Variants in GRK1 observed in about 807,000 individuals in gnomAD.
GRK1 encodes G protein-coupled receptor kinase 1.
In GRK1, 28 loss-of-function variants were observed where a neutral mutation model predicts 41.7. That is an observed-to-expected ratio of 0.67 (90% CI 0.50 to 0.92). The LOEUF (loss-of-function observed/expected upper bound fraction) is 0.92, where lower values mean the gene tolerates loss of function less well. GRK1 is among the 40% of genes least tolerant of loss of function. The pLI is 0.00. For synonymous variants in GRK1, 327 were observed against 286.7 expected, an observed-to-expected ratio of 1.14 and a Z score of -1.42; for missense variants, 703 against 671.2, an observed-to-expected ratio of 1.05 and a Z score of -0.52.
chr13:113,654,777 T>C, the GRK1 span: 2 of 1,604,470 alleles, frequency 1.2e-6, no homozygotes, highest in Non-Finnish European at 1.7e-6. Flanking sequence ...CAGCCTGGCC[T>C]GTCACACGGC....
intron 4 of GRK1, among the ~76,000 whole-genome samples, chr13:113,730,334 C>T (rs1237854542): frequency 8.1e-5 from 12 of 148,166 alleles, no homozygotes; most frequent in Non-Finnish European, 1.6e-4. Context: ...CCCCAGTCCC[C>T]GCAGCTGAGC....
the GRK1 span, among the ~76,000 whole-genome samples, chr13:113,650,226 A>G: frequency 1.3e-5 from 2 of 152,108 alleles, no homozygotes; most frequent in Non-Finnish European, 2.9e-5. The surrounding 1 kb of genome is among the most constrained non-coding windows in gnomAD (Gnocchi z 5.0). Flanking sequence ...CGTGAGAGGA[A>G]TGTTTCCAGG....
chr13:113,733,172 C>G, intron 6 of GRK1, 87 bp downstream of exon 6: 1 of 1,364,818 alleles, frequency 7.3e-7, no homozygotes, highest in African/African-American at 1.4e-5. Flanking sequence ...CTGTGAGAGT[C>G]GGCAGGGAGG....
At chr13:113,734,977 C>A in intron 6 of GRK1, 91 bp from the exon 7 acceptor site, 1 of 1,282,762 alleles carries the variant, frequency 7.8e-7, no homozygotes, top group Non-Finnish European at 1.0e-6. Context: ...CTTTGTGCAT[C>A]TGGGAGCCAT....
At chr13:113,654,902 C>T in the GRK1 span, 1 of 1,614,124 alleles carries the variant, frequency 6.2e-7, no homozygotes, top group Admixed American at 1.7e-5. Context: ...AGAGCCCAGT[C>T]ATCACCACGT....
the GRK1 span, among the ~76,000 whole-genome samples, chr13:113,653,902 T>C: frequency 2.8e-3 from 432 of 152,370 alleles, 2 homozygotes; most frequent in African/African-American, 0.01. Flanking sequence ...TTTCCCGATG[T>C]GAACCGTCAA....
At chr13:113,670,048 C>T (rs1212444281) in intron 2 of GRK1, among the ~76,000 whole-genome samples, 1 of 152,208 alleles carries the variant, frequency 6.6e-6, no homozygotes, top group Non-Finnish European at 1.5e-5. Flanking sequence ...AGGGCTCGTC[C>T]TGTGTGTGGT....
chr13:113,654,950 A>T, the GRK1 span: 1 of 1,613,732 alleles, frequency 6.2e-7, no homozygotes, highest in Non-Finnish European at 8.5e-7. Flanking sequence ...ACACTGCGAC[A>T]CAAGGCAGGC....
chr13:113,734,740 G>A (rs1417551096), intron 6 of GRK1: 2 of 224,036 alleles, frequency 8.9e-6, no homozygotes, highest in Non-Finnish European at 1.7e-5. Flanking sequence ...GTTCGGGGAG[G>A]AGACCGCTTC....
chr13:113,726,659 C>A, intron 4 of GRK1: 1 of 153,836 alleles, frequency 6.5e-6, no homozygotes, highest in Non-Finnish European at 1.5e-5. Flanking sequence ...GGGGTCAGGC[C>A]AGGAGGGCTG....
chr13:113,667,857 G>C lies in GRK1; in HGVS notation c.471G>C (p.Leu157=), dbSNP rs1262474141. ...QPLLQATLAH[L]GQAPFQEYLG... ...TGCTGCAGGCCACCCTGGCACACCTGGGCCAAGCCCCCTTCCAGGAGTACC... is the reference window on the plus strand; with the variant it reads ...TGCTGCAGGCCACCCTGGCACACCTCGGCCAAGCCCCCTTCCAGGAGTACC... The change falls in exon 1 of 7, where the codon CTG becomes CTC. Residue 157 remains leucine, a synonymous_variant. Transcript: ENST00000335678. This position sits in a 1 kb window ranked among gnomAD's most constrained non-coding sequence, Gnocchi z 7.5. 4 of 1,588,656 alleles carry C rather than the reference G, an allele frequency of 2.5e-6. No individual in the cohort carries two copies. In the Admixed American group the frequency reaches 7.0e-5, roughly 28 times the overall value.
rs1279817294 is a variant in GRK1, at chr13:113,667,400, C to T, written c.14C>T (p.Ser5Phe). Residue 5 changes from serine (S) to phenylalanine (F), a missense_variant, in exon 1 of 7, where the codon TCT (serine) becomes TTT (phenylalanine). By Grantham distance (155) the Ser-to-Phe change is radical. Transcript: ENST00000335678. This position sits in a 1 kb window ranked among gnomAD's most constrained non-coding sequence, Gnocchi z 7.5. ...GGAAGCTCCGGGATGGATTTCGGGT[C>T]TTTGGAGACCGTGGTGGCCAACTCT... MDFGSLETVVANSAF... is the reference protein window; with the variant it reads MDFGFLETVVANSAF... 6.3e-7 allele frequency: 1 copy of T among 1,580,946 alleles called. No individual in the cohort carries two copies. Among genetic ancestry groups the T allele is most frequent in the South Asian group, 1.2e-5 (1 of 85,284 alleles).
the GRK1 span, among the ~76,000 whole-genome samples, chr13:113,657,601 G>A: frequency 2.8e-4 from 43 of 152,248 alleles, no homozygotes; most frequent in African/African-American, 8.9e-4. Flanking sequence ...GACGCCAGCG[G>A]GTGTCCCGGA....
At chr13:113,734,935 C>A in intron 6 of GRK1, 133 bp from the exon 7 acceptor site, 1 of 896,298 alleles carries the variant, frequency 1.1e-6, no homozygotes. Context: ...TCAGCCTCCA[C>A]GACACTTCCC....
chr13:113,732,339 G>A (rs180751742), intron 5 of GRK1, among the ~76,000 whole-genome samples: 3 of 152,278 alleles, frequency 2.0e-5, no homozygotes, highest in Admixed American at 6.5e-5. Flanking sequence ...CCACTAGCAC[G>A]CCCGTGGTCA....
chr13:113,652,887 T>A, the GRK1 span: 7 of 1,614,212 alleles, frequency 4.3e-6, no homozygotes, highest in Non-Finnish European at 5.1e-6. Context: ...TTCATTTTAA[T>A]AATAAAACAT....
At chr13:113,729,901 C>T (rs1318875371) in intron 4 of GRK1, among the ~76,000 whole-genome samples, 4 of 150,650 alleles carry the variant, frequency 2.7e-5, no homozygotes, top group African/African-American at 4.9e-5. Flanking sequence ...AGACAGTCCC[C>T]GCGGCTGCAC....
Position 113,735,287 on chromosome 13 carries a change from A to G in GRK1, c.1616A>G (p.Gln539Arg). The change falls in exon 7 of 7, where the codon CAG (glutamine) becomes CGG (arginine). Residue 539 changes from glutamine (Q) to arginine (R), a missense_variant. Gln to Arg is a conservative substitution (Grantham distance 43, BLOSUM62 1). Transcript: ENST00000335678. ...CTGAACGTGTGGCGCTCGGACGGTC[A>G]GATGCCGGACGACATGAAGGGCATC... ...GELNVWRSDG[Q>R]MPDDMKGISG... is the part of the protein sequence containing the mutation. The G allele has an allele frequency of 6.5e-7, 1 of 1,536,056 alleles. No homozygotes were observed. Among genetic ancestry groups the G allele is most frequent in the Non-Finnish European group, 8.7e-7 (1 of 1,146,092 alleles).
chr13:113,658,300 G>T, the GRK1 span: 1 of 672,254 alleles, frequency 1.5e-6, no homozygotes, highest in Non-Finnish European at 2.4e-6. Context: ...GTTTATCAGC[G>T]CCGGCCATCG....
Sources: allele counts gnomAD v4.1 joint callset (sites outside exome capture counted in the v4.1 genomes callset), GRCh38; gene constraint gnomAD v4.1.1; non-coding constraint Gnocchi (gnomAD v3.1); transcripts MANE v1.5; gene names NCBI Gene and HGNC (gene_info 2026-07-23, HGNC 2026-07-21).